The following FAT3 variants were observed in gnomAD, a reference collection of about 807,000 sequenced individuals.
The protein encoded by FAT3 is protocadherin Fat 3.
In FAT3, 95 loss-of-function variants were observed where a neutral mutation model predicts 310.2. The observed-to-expected ratio is 0.31, with a 90% CI of 0.26 to 0.36. The LOEUF (loss-of-function observed/expected upper bound fraction) is 0.36. Among genes scored for constraint, FAT3 ranks in the 10% least tolerant of loss-of-function variants. The pLI is 1.00. For synonymous variants in FAT3, 2,314 were observed against 2,192.9 expected, an observed-to-expected ratio of 1.06 and a Z score of -1.54; for missense variants, 5,408 against 5,715.6, an observed-to-expected ratio of 0.95 and a Z score of 1.74.
At chr11:92,366,684 G>A (rs1025636426) in intron 2 of FAT3, 16 of 535,460 alleles carry the variant, frequency 3.0e-5, no homozygotes, top group Admixed American at 7.7e-5. Flanking sequence ...ATGGTTGGAA[G>A]GCTGTTTCCA....
At chr11:92,752,003 C>T (rs1945841923) in intron 4 of FAT3, among the ~76,000 whole-genome samples, 1 of 152,040 alleles carries the variant, frequency 6.6e-6, no homozygotes, top group African/African-American at 2.4e-5. Context: ...CTGAGCAAAG[C>T]AGGCGTGCAA....
chr11:92,713,579 A>AT (rs1944590746), intron 4 of FAT3, among the ~76,000 whole-genome samples: 2 of 152,116 alleles, frequency 1.3e-5, no homozygotes, highest in African/African-American at 4.8e-5. Context: ...CTGTACTTTA[A>AT]TTTTTTCTCT....
At chr11:92,484,887 G>T (rs1034412229) in intron 2 of FAT3, among the ~76,000 whole-genome samples, 1 of 152,178 alleles carries the variant, frequency 6.6e-6, no homozygotes, top group African/African-American at 2.4e-5. Flanking sequence ...TTTTCATAAA[G>T]AAGTTAATTG....
chr11:92,676,091 A>G (rs1220245067), intron 3 of FAT3, among the ~76,000 whole-genome samples: 2 of 152,186 alleles, frequency 1.3e-5, no homozygotes, highest in African/African-American at 2.4e-5. Context: ...GAAAGTACGG[A>G]TGCTTTTAAA....
intron 2 of FAT3, among the ~76,000 whole-genome samples, chr11:92,383,657 A>G (rs1302181868): frequency 6.6e-6 from 1 of 152,210 alleles, no homozygotes; most frequent in Non-Finnish European, 1.5e-5. Context: ...CTGAAATTCA[A>G]TCCGTTTTAA....
chr11:92,754,700 CAA>C (rs34387938), intron 4 of FAT3, among the ~76,000 whole-genome samples: 3,842 of 90,354 alleles, frequency 0.043, 80 homozygotes, highest in African/African-American at 0.086. Flanking sequence ...ACTAAAAATA[CAA>C]AAAAAAAAAA....
At chr11:92,490,443 T>C (rs1198762519) in intron 2 of FAT3, among the ~76,000 whole-genome samples, 4 of 152,164 alleles carry the variant, frequency 2.6e-5, no homozygotes, top group African/African-American at 9.6e-5. Flanking sequence ...TCTTAGGCTG[T>C]CTCCTCTCCT....
rs143452563 is a variant in FAT3 at position 92,886,328 on chromosome 11, G to GGTGTGTGT, written c.12938-656_12938-649dup. On this transcript the variant is annotated intron_variant, in intron 24 of 27. Coordinates refer to ENST00000525166, the MANE Select transcript of FAT3 (RefSeq NM_001367949.2). ...GTCCATCAAATAAGAAAGTAGCCCT[G>GGTGTGTGT]GTGTGTGTGTGTGTGTGTGTGTGCA... is the stretch of plus-strand genomic sequence containing the variant. 6.6e-3 allele frequency among the ~76,000 whole-genome samples: 994 copies of GGTGTGTGT among 150,538 alleles called. 6 individuals carry two copies. Among genetic ancestry groups the GGTGTGTGT allele is most frequent in the South Asian group, 0.011 (53 of 4,724 alleles).
chr11:92,769,229 C>A (rs923032703), intron 6 of FAT3, among the ~76,000 whole-genome samples: 3 of 152,152 alleles, frequency 2.0e-5, no homozygotes, highest in Admixed American at 2.0e-4. Context: ...GAAACAGAAG[C>A]CCTACTTGTA....
chr11:92,626,199 G>T (rs1941327905), intron 3 of FAT3, among the ~76,000 whole-genome samples: 1 of 152,168 alleles, frequency 6.6e-6, no homozygotes, highest in Non-Finnish European at 1.5e-5. Context: ...CTCAGTTTAA[G>T]AAAGGCACTG....
intron 9 of FAT3, among the ~76,000 whole-genome samples, chr11:92,796,553 A>G (rs909732425): frequency 3.3e-5 from 5 of 152,202 alleles, no homozygotes; most frequent in African/African-American, 4.8e-5. Flanking sequence ...TGATTTTAAC[A>G]TTTAAATTAT....
At position 92,891,305 on chromosome 11, in the gene FAT3, A is replaced by G; in HGVS notation, c.*192A>G. On this transcript the variant is annotated 3_prime_UTR_variant, in exon 28 of 28. Transcript: ENST00000525166. Reference sequence around the variant, plus strand: ...CCAGTTGGGTGAAAATGAAAGGCTCAGAAATTGTTTTTGAGAGGTGACTGG... The same window carrying G: ...CCAGTTGGGTGAAAATGAAAGGCTCGGAAATTGTTTTTGAGAGGTGACTGG... 1 of 814,618 alleles carries G rather than the reference A, an allele frequency of 1.2e-6. No individual in the cohort carries two copies. The highest frequency in any genetic ancestry group is 1.9e-6 in the Non-Finnish European group (1 of 536,150). The allele number at this position is 814,618 out of a possible 1,614,324, so 50.5% of individuals were successfully genotyped here.
At chr11:92,758,630 A>C (rs980218772) in intron 4 of FAT3, among the ~76,000 whole-genome samples, 4 of 152,222 alleles carry the variant, frequency 2.6e-5, no homozygotes, top group Non-Finnish European at 5.9e-5. Context: ...GTATTACGCA[A>C]ATCAGCGACA....
At chr11:92,575,537 G>A (rs991401381) in intron 3 of FAT3, among the ~76,000 whole-genome samples, 1 of 152,090 alleles carries the variant, frequency 6.6e-6, no homozygotes, top group Non-Finnish European at 1.5e-5. Context: ...GAATTGTTTT[G>A]TGTGTGTGGA....
intron 2 of FAT3, among the ~76,000 whole-genome samples, chr11:92,484,558 A>C (rs1255332585): frequency 6.6e-6 from 1 of 152,218 alleles, no homozygotes; most frequent in Non-Finnish European, 1.5e-5. Context: ...AGGCCTCCTC[A>C]GGGAAGGCAA....
rs1359059542 is a variant in FAT3, at chr11:92,895,453, G to A, written c.*4340G>A. On this transcript the variant is annotated 3_prime_UTR_variant, in exon 28 of 28. Coordinates refer to ENST00000525166, the MANE Select transcript of FAT3 (RefSeq NM_001367949.2). ...TTCTTTCCTTATGTAATAATGAAAAGCAATAATTACAAGTAGGTAATAATA... is the reference window on the plus strand; with the variant it reads ...TTCTTTCCTTATGTAATAATGAAAAACAATAATTACAAGTAGGTAATAATA... 1 of 152,154 alleles carries A rather than the reference G, an allele frequency of 6.6e-6. No homozygotes were observed. The highest frequency in any genetic ancestry group is 1.5e-5 in the Non-Finnish European group (1 of 68,034). 9.4% of individuals were successfully genotyped at this position (152,154 alleles called of 1,614,324 possible).
At chr11:92,511,429 G>A (rs76123709) in intron 2 of FAT3, among the ~76,000 whole-genome samples, 1,632 of 152,010 alleles carry the variant, frequency 0.011, 28 homozygotes, top group African/African-American at 0.037. Context: ...TGTCTTTAAA[G>A]AACCAGACAT....
intron 1 of FAT3, among the ~76,000 whole-genome samples, chr11:92,314,911 G>A (rs1947396836): frequency 6.6e-6 from 1 of 152,122 alleles, no homozygotes. Flanking sequence ...AAGGTCACAT[G>A]ATCATGCTTT....
At chr11:92,700,766 A>G (rs1944075238) in intron 4 of FAT3, among the ~76,000 whole-genome samples, 1 of 152,066 alleles carries the variant, frequency 6.6e-6, no homozygotes, top group East Asian at 1.9e-4. Context: ...CCAGTTCAAT[A>G]TCAATCTCTC....
Sources: gnomAD v4.1 joint callset for allele counts (sites outside exome capture counted in the v4.1 genomes callset) on GRCh38, gnomAD v4.1.1 for gene constraint, MANE v1.5 for transcripts, NCBI Gene and HGNC (gene_info 2026-07-23, HGNC 2026-07-21) for gene names.